Variants in KIF26B observed in about 807,000 individuals in gnomAD.
KIF26B encodes kinesin-like protein KIF26B.
KIF26B carries 63 observed loss-of-function variants against 151.2 expected under a neutral mutation model. The ratio of observed to expected loss-of-function variants is 0.42; its 90% CI spans 0.34 to 0.51. The LOEUF is 0.51. KIF26B is among the 20% of genes least tolerant of loss of function. The pLI, the probability that KIF26B is intolerant of heterozygous loss-of-function variation, is 0.07. For synonymous variants in KIF26B, 1,357 were observed against 1,262.1 expected (o/e 1.08, Z -1.59); for missense variants, 2,813 against 2,913.6 (o/e 0.97, Z 0.79).
chr1:245,644,785 C>T (rs978609199), intron 9 of KIF26B, among the ~76,000 whole-genome samples: 2 of 152,104 alleles, frequency 1.3e-5, no homozygotes, highest in African/African-American at 4.8e-5. Flanking sequence ...AATTTCTGAG[C>T]CTTGAATAGT....
intron 3 of KIF26B, among the ~76,000 whole-genome samples, chr1:245,378,165 A>T (rs113608323): frequency 6.6e-6 from 1 of 151,994 alleles, no homozygotes; most frequent in East Asian, 1.9e-4. Context: ...GATCAAGCTG[A>T]TAATTTGGTC....
intron 4 of KIF26B, among the ~76,000 whole-genome samples, chr1:245,517,023 C>T (rs1475249510): frequency 1.3e-5 from 2 of 152,182 alleles, no homozygotes; most frequent in African/African-American, 4.8e-5. Context: ...TGTAGGCAAA[C>T]ATTTGCATTG....
chr1:245,664,571 T>C lies in KIF26B; in HGVS notation c.2258+18291T>C, dbSNP rs186419573. Among the ~76,000 whole-genome samples the C allele has an allele frequency of 9.2e-5, 14 of 152,324 alleles. No individual in the cohort carries two copies. In the East Asian group the frequency reaches 2.5e-3, roughly 27 times the overall value. On this transcript the variant is annotated intron_variant, in intron 10 of 14. Transcript: ENST00000407071. ...ATTATTATTATTTCATGTTTTGAAA[T>C]ATTTTCTGACACAGCCGTCTATATT...
chr1:245,304,673 C>CA (rs1671502545), intron 2 of KIF26B, among the ~76,000 whole-genome samples: 1 of 150,016 alleles, frequency 6.7e-6, no homozygotes, highest in Non-Finnish European at 1.5e-5. Context: ...GCCTGTCTGC[C>CA]TGTCCATCCA....
intron 2 of KIF26B, among the ~76,000 whole-genome samples, chr1:245,172,361 G>GGAAGGGGTAGCTTCCTA (rs1178934418): frequency 6.6e-6 from 1 of 152,166 alleles, no homozygotes. Flanking sequence ...GGAGGGAGTC[G>GGAAGGGGTAGCTTCCTA]GAAGGGGTAG....
At chr1:245,556,311 TCC>T in intron 5 of KIF26B, among the ~76,000 whole-genome samples, 1 of 134,402 alleles carries the variant, frequency 7.4e-6, no homozygotes, top group Admixed American at 7.3e-5. Context: ...CTCCTCCTCC[TCC>T]TTCTTCTTCT....
At position 245,358,426 on chromosome 1, in the gene KIF26B, A is replaced by G. The variant is rs1341538588; in HGVS notation, c.466-8408A>G. On this transcript the variant is annotated intron_variant, in intron 2 of 14. Transcript: ENST00000407071. The surrounding 1 kb of genome is among the most constrained non-coding windows in gnomAD (Gnocchi z 4.1). ...TCCCAGCTACTCGGGAGGCTGAGGCAGGAGAATGGTGTGAACCTGGGAGGC... is the reference window on the plus strand; with the variant it reads ...TCCCAGCTACTCGGGAGGCTGAGGCGGGAGAATGGTGTGAACCTGGGAGGC... Among the ~76,000 whole-genome samples, 1 of 152,164 alleles carries G rather than the reference A, an allele frequency of 6.6e-6. No homozygotes were observed. The highest frequency in any genetic ancestry group is 1.5e-5 in the Non-Finnish European group (1 of 68,020).
chr1:245,354,276 A>G (rs1426833588), intron 2 of KIF26B, among the ~76,000 whole-genome samples: 2 of 152,186 alleles, frequency 1.3e-5, no homozygotes, highest in Admixed American at 1.3e-4. Flanking sequence ...CGAGAAGGAA[A>G]CTACAAAGTT....
intron 2 of KIF26B, among the ~76,000 whole-genome samples, chr1:245,201,736 C>G (rs931756496): frequency 6.6e-6 from 1 of 152,150 alleles, no homozygotes; most frequent in Non-Finnish European, 1.5e-5. Flanking sequence ...AAGCGGGAGA[C>G]AAGCCCCCTT....
rs757381298 is a variant in KIF26B, at chr1:245,572,303, C to T, written c.1351-30274C>T. Among the ~76,000 whole-genome samples, 15 of 152,120 alleles carry T rather than the reference C, an allele frequency of 9.9e-5. No homozygotes were observed. Among genetic ancestry groups the T allele is most frequent in the East Asian group, 1.9e-4 (1 of 5,188 alleles). Reference sequence around the variant, plus strand: ...CCTTTTGGAGACAGAAGGAGGTAGACGTGCTTTTGTGTTTCCGACACTGAG... The same window carrying T: ...CCTTTTGGAGACAGAAGGAGGTAGATGTGCTTTTGTGTTTCCGACACTGAG... On this transcript the variant is annotated intron_variant, in intron 5 of 14. Transcript: ENST00000407071. The surrounding 1 kb of genome is among the most constrained non-coding windows in gnomAD (Gnocchi z 4.2).
chr1:245,374,059 CAA>C lies in KIF26B; in HGVS notation c.999+6727_999+6728del, dbSNP rs1172397969. On this transcript the variant is annotated intron_variant, in intron 3 of 14. Coordinates refer to ENST00000407071, the MANE Select transcript of KIF26B (RefSeq NM_018012.4). The stretch of plus-strand genomic sequence containing the variant: ...GTGACAGAGACCCGAGAACCTATCT[CAA>C]AAAAAAAAAAAAAAAAAAAAAAAAA... 1.5e-3 allele frequency among the ~76,000 whole-genome samples: 27 copies of C among 17,484 alleles called. 7 individuals carry two copies. The highest frequency in any genetic ancestry group is 3.6e-3 in the Admixed American group (3 of 824). 11.5% of individuals were successfully genotyped at this position (17,484 alleles called of 152,430 possible). A position where few individuals can be genotyped will look rare whatever the true frequency, so the allele number is the denominator to read the frequency against.
intron 4 of KIF26B, among the ~76,000 whole-genome samples, chr1:245,519,018 G>A (rs35293839): frequency 0.076 from 11,606 of 152,170 alleles, 488 homozygotes; most frequent in African/African-American, 0.096. Flanking sequence ...GCTTTACCCC[G>A]CAGAAGCTTA....
At chr1:245,579,377 A>G (rs2043152938) in intron 5 of KIF26B, among the ~76,000 whole-genome samples, 1 of 152,228 alleles carries the variant, frequency 6.6e-6, no homozygotes, top group African/African-American at 2.4e-5. Flanking sequence ...GTGCATCTGT[A>G]GTCCCAGCTA....
chr1:245,257,688 G>A (rs2103568357), intron 2 of KIF26B, among the ~76,000 whole-genome samples: 1 of 152,276 alleles, frequency 6.6e-6, no homozygotes, highest in South Asian at 2.1e-4. Context: ...AGTGGCCCTT[G>A]CTTAGGTGGC....
chr1:245,668,307 T>C (rs2147938833), intron 10 of KIF26B, among the ~76,000 whole-genome samples: 2 of 152,322 alleles, frequency 1.3e-5, no homozygotes, highest in South Asian at 4.1e-4. Flanking sequence ...TTATCCCATG[T>C]CAGAAATGAA....
At chr1:245,480,898 T>G (rs1660155104) in intron 4 of KIF26B, among the ~76,000 whole-genome samples, 1 of 151,698 alleles carries the variant, frequency 6.6e-6, no homozygotes, top group African/African-American at 2.4e-5. Context: ...TTCCTCATTT[T>G]ATAGAAAAGG....
chr1:245,513,344 T>G (rs1278616819), intron 4 of KIF26B, among the ~76,000 whole-genome samples: 2 of 151,710 alleles, frequency 1.3e-5, no homozygotes, highest in Admixed American at 1.3e-4. Flanking sequence ...AGGCAGCTGA[T>G]TGACATCGGG....
At chr1:245,440,258 C>T (rs1659044970) in intron 4 of KIF26B, among the ~76,000 whole-genome samples, 1 of 151,682 alleles carries the variant, frequency 6.6e-6, no homozygotes, top group African/African-American at 2.4e-5. Flanking sequence ...ACAAGTTCAA[C>T]TTATAAAAGG....
At chr1:245,669,577 T>C (rs951583790) in intron 10 of KIF26B, among the ~76,000 whole-genome samples, 2 of 152,184 alleles carry the variant, frequency 1.3e-5, no homozygotes, top group Non-Finnish European at 2.9e-5. Context: ...CGTGAAAAGA[T>C]ACTCAGCATC....
Sources: gnomAD v4.1 joint callset for allele counts (sites outside exome capture counted in the v4.1 genomes callset) on GRCh38, gnomAD v4.1.1 for gene constraint, Gnocchi (gnomAD v3.1) non-coding constraint, MANE v1.5 for transcripts, NCBI Gene and HGNC (gene_info 2026-07-23, HGNC 2026-07-21) for gene names.